The following MYH14 variants were observed in gnomAD, a reference collection of about 807,000 sequenced individuals.
MYH14 encodes the protein myosin-14.
A neutral mutation model predicts 255.5 loss-of-function variants in MYH14; 123 were observed. That is an observed-to-expected ratio of 0.48 (90% CI 0.42 to 0.56). MYH14 has a LOEUF of 0.56. Among genes scored for constraint, MYH14 ranks in the 20% least tolerant of loss-of-function variants. The pLI, the probability that MYH14 is intolerant of heterozygous loss-of-function variation, is 0.00. For missense variants in MYH14, 2,423 were observed against 2,802.3 expected, an observed-to-expected ratio of 0.86 and a Z score of 3.06; for synonymous variants, 1,095 against 1,161.2, an observed-to-expected ratio of 0.94 and a Z score of 1.16.
At chr19:50,287,126 G>A (rs889196760) in intron 34 of MYH14, among the ~76,000 whole-genome samples, 1 of 151,900 alleles carries the variant, frequency 6.6e-6, no homozygotes, top group African/African-American at 2.4e-5. Flanking sequence ...AAAAAAAAAA[G>A]AGAACAAGAG....
chr19:50,292,272 G>A lies in MYH14; in HGVS notation c.5139G>A (p.Lys1713=). Residue 1713 remains lysine, a synonymous_variant, in exon 37 of 43, where the codon AAG becomes AAA. Transcript: ENST00000642316. Reference sequence around the variant, plus strand: ...TCCGTTCCACCCAGGCCCAGATGAAGGAGCTATGGCGGGAGGTGGAGGAGA... The same window carrying A: ...TCCGTTCCACCCAGGCCCAGATGAAAGAGCTATGGCGGGAGGTGGAGGAGA... ...KQLRKMQAQM[K]ELWREVEETR... is the part of the protein sequence containing the mutation. 1.2e-6 allele frequency: 2 copies of A among 1,605,600 alleles called. No homozygotes were observed. Among genetic ancestry groups the A allele is most frequent in the South Asian group, 1.1e-5 (1 of 88,610 alleles).
intron 39 of MYH14, among the ~76,000 whole-genome samples, chr19:50,298,705 C>T (rs1225895036): frequency 6.7e-6 from 1 of 149,550 alleles, no homozygotes. Flanking sequence ...GAGCCGAGAT[C>T]GAGCCACTGC....
chr19:50,213,270 ACT>A (rs1277629111), intron 2 of MYH14, among the ~76,000 whole-genome samples: 1 of 152,028 alleles, frequency 6.6e-6, no homozygotes, highest in Non-Finnish European at 1.5e-5. Context: ...TTTAATAAAT[ACT>A]CTGAGCGCTC....
chr19:50,270,571 A>G (rs2035260115), intron 24 of MYH14, among the ~76,000 whole-genome samples: 1 of 151,772 alleles, frequency 6.6e-6, no homozygotes, highest in Non-Finnish European at 1.5e-5. Flanking sequence ...ATAAAATAAA[A>G]TAAATTCAAA....
intron 40 of MYH14, among the ~76,000 whole-genome samples, chr19:50,302,391 A>G (rs190160763): frequency 4.0e-4 from 60 of 148,588 alleles, no homozygotes; most frequent in Admixed American, 3.0e-3. Flanking sequence ...AGACCAGCCT[A>G]GCCAACATGG....
At chr19:50,255,121 C>T in intron 16 of MYH14, 99 bp from the exon 17 acceptor site, 1 of 775,502 alleles carries the variant, frequency 1.3e-6, no homozygotes, top group Admixed American at 2.1e-5. Context: ...CTTTTTCTTC[C>T]TGCCACCTCC....
chr19:50,242,026 G>T (rs1198339737), intron 10 of MYH14, among the ~76,000 whole-genome samples: 1 of 152,202 alleles, frequency 6.6e-6, no homozygotes, highest in Non-Finnish European at 1.5e-5. Context: ...TTGGGAATTT[G>T]TTGCAGATAA....
chr19:50,220,084 A>G (rs928380541), intron 3 of MYH14, among the ~76,000 whole-genome samples: 3 of 151,942 alleles, frequency 2.0e-5, no homozygotes, highest in African/African-American at 4.8e-5. Context: ...ACCCCATGTA[A>G]TAGTACACAA....
chr19:50,234,661 T>C (rs1371970005), intron 10 of MYH14, among the ~76,000 whole-genome samples: 1 of 145,862 alleles, frequency 6.9e-6, no homozygotes, highest in Non-Finnish European at 1.5e-5. Context: ...AAATTCAGAC[T>C]GTGGCTGCAA....
At position 50,267,079 on chromosome 19, in the gene MYH14, T is replaced by C. The variant is rs555804750; in HGVS notation, c.2826+71T>C. On this transcript the variant is annotated intron_variant, in intron 23 of 42. Transcript: ENST00000642316. ...GCTGTGTCGCATGGGTGGAGCCAGG[T>C]GTGAGGGGCGGGGCTTCCGGCTGAG... 160 of 1,402,962 alleles carry C rather than the reference T, an allele frequency of 1.1e-4. No homozygotes were observed. In the African/African-American group the frequency reaches 2.1e-3, roughly 19 times the overall value. The allele number at this position is 1,402,962 out of a possible 1,614,324, so 86.9% of individuals were successfully genotyped here.
intron 1 of MYH14, among the ~76,000 whole-genome samples, chr19:50,204,476 T>G (rs142251009): frequency 0.015 from 2,337 of 152,308 alleles, 26 homozygotes; most frequent in Middle Eastern, 0.034. Context: ...GAAAACGGTA[T>G]AGGCTTGAAT....
chr19:50,205,551 C>G (rs1009993793), intron 1 of MYH14: 4 of 152,340 alleles, frequency 2.6e-5, no homozygotes, highest in Non-Finnish European at 5.9e-5. Flanking sequence ...GTCGGCGCCC[C>G]CAGGTAGCCC....
Position 50,280,390 on chromosome 19 carries a change from A to C in MYH14, c.4290+7A>C, listed in dbSNP as rs1212558607. 3 of 1,524,674 alleles carry C rather than the reference A, an allele frequency of 2.0e-6. No homozygotes were observed. In the Admixed American group the frequency reaches 6.1e-5, roughly 31 times the overall value. 94.4% of individuals were successfully genotyped at this position (1,524,674 alleles called of 1,614,324 possible). A position where few individuals can be genotyped will look rare whatever the true frequency, so the allele number is the denominator to read the frequency against. ...GCAGACTGCCCAGGCCCAGGTGAGC[A>C]GCCCTACGTAAGACCTTCAGGGAGG... On this transcript the variant is annotated splice_region_variant and intron_variant, in intron 32 of 42. Transcript: ENST00000642316. This position sits in a 1 kb window ranked among gnomAD's most constrained non-coding sequence, Gnocchi z 4.8.
intron 3 of MYH14, among the ~76,000 whole-genome samples, chr19:50,219,827 T>C (rs2032718450): frequency 6.6e-6 from 1 of 152,240 alleles, no homozygotes; most frequent in South Asian, 2.1e-4. Flanking sequence ...ATTTGCTATA[T>C]ATCATCTATT....
At chr19:50,260,527 G>A (rs1274657411) in intron 19 of MYH14, 119 bp from the exon 20 acceptor site, 5 of 689,796 alleles carry the variant, frequency 7.2e-6, no homozygotes, top group African/African-American at 1.8e-5. Context: ...GACTGTCCTT[G>A]TTATTGTCAC....
intron 9 of MYH14, among the ~76,000 whole-genome samples, chr19:50,231,156 G>C (rs1023154870): frequency 4.6e-5 from 7 of 152,212 alleles, no homozygotes; most frequent in Admixed American, 3.9e-4. Context: ...GGCTGGCACT[G>C]CCCTGTAGCT....
chr19:50,301,869 G>A lies in MYH14; in HGVS notation c.5678G>A (p.Arg1893Lys). ...GAGGAGCAGCTAGAGCAAGAGACCA[G>A]GTAGGTGAGAGCGGAGGCCACAGGA... Reference protein sequence around the residue: ...QAEEQLEQETRERILSGKLVR... With the variant: ...QAEEQLEQETKERILSGKLVR... Residue 1893 changes from arginine (R) to lysine (K), a missense_variant and splice_region_variant, in exon 40 of 43, where the codon AGA (arginine) becomes AAA (lysine). Coordinates refer to ENST00000642316, the MANE Select transcript of MYH14 (RefSeq NM_001145809.2). The A allele has an allele frequency of 6.2e-7, 1 of 1,609,630 alleles. No homozygotes were observed. Among genetic ancestry groups the A allele is most frequent in the East Asian group, 2.2e-5 (1 of 44,752 alleles).
At chr19:50,295,709 T>C (rs2036242702) in intron 39 of MYH14, among the ~76,000 whole-genome samples, 7 of 150,732 alleles carry the variant, frequency 4.6e-5, no homozygotes, top group Admixed American at 4.0e-4. Context: ...GAGGATCACC[T>C]GAGCCCAGGG....
intron 10 of MYH14, among the ~76,000 whole-genome samples, chr19:50,236,619 A>C (rs1375816020): frequency 6.6e-6 from 1 of 150,600 alleles, no homozygotes; most frequent in Non-Finnish European, 1.5e-5. Flanking sequence ...GAGGCAGGAG[A>C]ATCGCTTGAA....
Sources: allele counts gnomAD v4.1 joint callset (sites outside exome capture counted in the v4.1 genomes callset), GRCh38; gene constraint gnomAD v4.1.1; non-coding constraint Gnocchi (gnomAD v3.1); transcripts MANE v1.5; gene names NCBI Gene and HGNC (gene_info 2026-07-23, HGNC 2026-07-21).